MDGA2: variants seen among roughly 807,000 people sequenced by gnomAD.
The protein encoded by MDGA2 is MAM domain containing glycosylphosphatidylinositol anchor 2.
A neutral mutation model predicts 117.8 loss-of-function variants in MDGA2; 40 were observed. That is an observed-to-expected ratio of 0.34 (90% CI 0.26 to 0.44). MDGA2 has a LOEUF of 0.44. Ranked by LOEUF, MDGA2 falls within the 20% of genes least tolerant of loss-of-function variation. The probability of loss-of-function intolerance (pLI) is 1.00; values close to 1 mark genes in which losing one functional copy is unlikely to be tolerated. For synonymous variants in MDGA2, 452 were observed against 439.0 expected (o/e 1.03, Z -0.37); for missense variants, 1,123 against 1,250.6 (o/e 0.90, Z 1.54).
intron 1 of MDGA2, among the ~76,000 whole-genome samples, chr14:47,442,645 C>T (rs952733195): frequency 6.6e-6 from 1 of 152,096 alleles, no homozygotes; most frequent in Non-Finnish European, 1.5e-5. Flanking sequence ...TAGTGAGGCA[C>T]AGCAAACGGA....
chr14:46,914,556 C>G (rs966171484), intron 10 of MDGA2, among the ~76,000 whole-genome samples: 6 of 151,850 alleles, frequency 4.0e-5, no homozygotes, highest in African/African-American at 1.5e-4. Context: ...ACAGTTTAAC[C>G]AAAAGGGAAT....
intron 1 of MDGA2, among the ~76,000 whole-genome samples, chr14:47,314,222 G>C (rs978812696): frequency 1.2e-4 from 19 of 152,102 alleles, no homozygotes; most frequent in African/African-American, 4.3e-4. Flanking sequence ...GATTTTATGA[G>C]GATGTGATCA....
intron 1 of MDGA2, among the ~76,000 whole-genome samples, chr14:47,459,254 G>A (rs1462439553): frequency 6.6e-6 from 1 of 151,926 alleles, no homozygotes; most frequent in African/African-American, 2.4e-5. Flanking sequence ...TCCGAAGGCT[G>A]GCATAGGTCC....
At chr14:47,005,816 T>C (rs1265631998) in intron 8 of MDGA2, among the ~76,000 whole-genome samples, 1 of 151,684 alleles carries the variant, frequency 6.6e-6, no homozygotes, top group Non-Finnish European at 1.5e-5. Flanking sequence ...GCTTTGTCTA[T>C]ATTTTTATTT....
chr14:47,291,191 C>G (rs184047195), intron 2 of MDGA2, among the ~76,000 whole-genome samples: 1 of 152,276 alleles, frequency 6.6e-6, no homozygotes, highest in East Asian at 1.9e-4. Flanking sequence ...TAGCCCTACT[C>G]GAAACTGCCA....
Position 47,218,049 on chromosome 14 carries a change from C to T in MDGA2, c.567G>A (p.Ala189=), listed in dbSNP as rs768001281. 1.5e-5 allele frequency: 24 copies of T among 1,549,756 alleles called. No individual in the cohort carries two copies. The highest frequency in any genetic ancestry group is 1.7e-4 in the Middle Eastern group (1 of 5,974). The change falls in exon 3 of 17, where the codon GCG becomes GCA. Residue 189 remains alanine, a synonymous_variant. Transcript: ENST00000399232. ...ATACATCCACTCTGATTGACTTTAT[C>T]GCTGGAGACCCCAAGCCATTCTCTG... ...CKAENGLGSP[A]IKSIRVDVYY...
intron 2 of MDGA2, chr14:47,299,382 G>A (rs1389034593): frequency 2.0e-5 from 3 of 152,082 alleles, no homozygotes; most frequent in Non-Finnish European, 4.4e-5. Flanking sequence ...TTCAGAAGGT[G>A]TAAATTTAGT....
At chr14:46,895,212 A>AG (rs1248856931) in intron 10 of MDGA2, among the ~76,000 whole-genome samples, 1 of 152,116 alleles carries the variant, frequency 6.6e-6, no homozygotes, top group Non-Finnish European at 1.5e-5. Context: ...TAATTGAATC[A>AG]GGGGGGCAGT....
intron 1 of MDGA2, among the ~76,000 whole-genome samples, chr14:47,606,785 CT>C (rs1182869077): frequency 6.6e-6 from 1 of 152,158 alleles, no homozygotes; most frequent in Non-Finnish European, 1.5e-5. Context: ...CATGCATCTT[CT>C]GTAAAACTGA....
At chr14:47,537,374 G>A (rs1468837337) in intron 1 of MDGA2, among the ~76,000 whole-genome samples, 3 of 150,772 alleles carry the variant, frequency 2.0e-5, no homozygotes, top group Admixed American at 2.0e-4. Flanking sequence ...GTTAACGGGT[G>A]CAGCACACCA....
intron 1 of MDGA2, among the ~76,000 whole-genome samples, chr14:47,597,319 TTTAA>T (rs1346854375): frequency 1.3e-5 from 2 of 152,272 alleles, no homozygotes; most frequent in Non-Finnish European, 2.9e-5. Flanking sequence ...AAATGAATAT[TTTAA>T]TTAAAGAAAT....
At chr14:47,568,281 T>TA (rs1334489017) in intron 1 of MDGA2, among the ~76,000 whole-genome samples, 8 of 152,298 alleles carry the variant, frequency 5.3e-5, no homozygotes, top group South Asian at 2.1e-4. Flanking sequence ...CCTGTCCACT[T>TA]AAAGCATTCA....
At chr14:47,603,242 C>T (rs934064457) in intron 1 of MDGA2, among the ~76,000 whole-genome samples, 1 of 152,178 alleles carries the variant, frequency 6.6e-6, no homozygotes, top group African/African-American at 2.4e-5. Flanking sequence ...TCCTGTCTCA[C>T]TACTAATTGA....
At chr14:47,539,917 A>G (rs1001812254) in intron 1 of MDGA2, among the ~76,000 whole-genome samples, 2 of 152,228 alleles carry the variant, frequency 1.3e-5, no homozygotes, top group Non-Finnish European at 2.9e-5. Flanking sequence ...AGGTTCCTAG[A>G]ACACACTAGC....
chr14:47,395,497 T>C (rs1382188723), intron 1 of MDGA2, among the ~76,000 whole-genome samples: 1 of 152,144 alleles, frequency 6.6e-6, no homozygotes, highest in Non-Finnish European at 1.5e-5. Flanking sequence ...ATTAAACGTA[T>C]TGGAAAGCAA....
At chr14:47,438,907 T>C (rs189732166) in intron 1 of MDGA2, among the ~76,000 whole-genome samples, 1 of 152,168 alleles carries the variant, frequency 6.6e-6, no homozygotes, top group African/African-American at 2.4e-5. Context: ...GGAACAAGCA[T>C]AGTGTGTCTA....
chr14:47,453,459 A>G (rs1484405692), intron 1 of MDGA2, among the ~76,000 whole-genome samples: 1 of 152,154 alleles, frequency 6.6e-6, no homozygotes, highest in African/African-American at 2.4e-5. Flanking sequence ...TTTGTTACTC[A>G]GTGAAAGATA....
At chr14:47,209,431 C>T (rs911632575) in intron 3 of MDGA2, among the ~76,000 whole-genome samples, 10 of 152,050 alleles carry the variant, frequency 6.6e-5, no homozygotes, top group African/African-American at 1.9e-4. Context: ...AGGTGCAGAG[C>T]AACTGAGGGA....
At position 46,841,919 on chromosome 14, in the gene MDGA2, G is replaced by A. The variant is rs1460968316; in HGVS notation, c.*12C>T. ...GCCTGGTGAATCTTTTATAGCCTCT[G>A]CCAGGATAAGGTCACCTTCGAGGAC... On this transcript the variant is annotated 3_prime_UTR_variant, in exon 17 of 17. Transcript: ENST00000399232. The A allele has an allele frequency of 6.3e-7, 1 of 1,577,152 alleles. No individual in the cohort carries two copies. Among genetic ancestry groups the A allele is most frequent in the Non-Finnish European group, 8.7e-7 (1 of 1,151,614 alleles).
Sources: gnomAD v4.1 joint callset for allele counts (sites outside exome capture counted in the v4.1 genomes callset) on GRCh38, gnomAD v4.1.1 for gene constraint, MANE v1.5 for transcripts, NCBI Gene and HGNC (gene_info 2026-07-23, HGNC 2026-07-21) for gene names.